Variants in GRIA1 observed in about 807,000 individuals in gnomAD.
GRIA1 encodes the protein glutamate receptor 1.
A neutral mutation model predicts 99.2 loss-of-function variants in GRIA1; 31 were observed. The observed-to-expected ratio is 0.31, with a 90% confidence interval of 0.23 to 0.42. The LOEUF (loss-of-function observed/expected upper bound fraction) is 0.42, where lower values mean the gene tolerates loss of function less well. Among genes scored for constraint, GRIA1 ranks in the 10% least tolerant of loss-of-function variants. The probability of loss-of-function intolerance (pLI) is 1.00; values close to 1 mark genes in which losing one functional copy is unlikely to be tolerated. For synonymous variants in GRIA1, 438 were observed against 432.4 expected, an observed-to-expected ratio of 1.01 and a Z score of -0.16; for missense variants, 782 against 1,157.5, an observed-to-expected ratio of 0.68 and a Z score of 4.71.
At chr5:153,525,899 C>T (rs905614289) in intron 2 of GRIA1, among the ~76,000 whole-genome samples, 1 of 152,142 alleles carries the variant, frequency 6.6e-6, no homozygotes, top group Non-Finnish European at 1.5e-5. Context: ...ACTTTGATTG[C>T]CGCAACTTTG....
chr5:153,590,391 T>C (rs1763860324), intron 2 of GRIA1, among the ~76,000 whole-genome samples: 1 of 152,062 alleles, frequency 6.6e-6, no homozygotes, highest in South Asian at 2.1e-4. Flanking sequence ...ATACTGAAGT[T>C]CTAAGAGGTT....
At chr5:153,588,027 C>T (rs980708105) in intron 2 of GRIA1, among the ~76,000 whole-genome samples, 27 of 152,070 alleles carry the variant, frequency 1.8e-4, no homozygotes, top group African/African-American at 3.9e-4. Context: ...ATTAAGGTAT[C>T]GAATGGAGGA....
intron 2 of GRIA1, among the ~76,000 whole-genome samples, chr5:153,645,341 T>G (rs574208041): frequency 6.6e-6 from 1 of 152,136 alleles, no homozygotes; most frequent in Non-Finnish European, 1.5e-5. Context: ...CTTTAAGAGA[T>G]TATGACCTTT....
intron 7 of GRIA1, among the ~76,000 whole-genome samples, chr5:153,680,469 A>T (rs1756898115): frequency 6.6e-6 from 1 of 152,106 alleles, no homozygotes; most frequent in African/African-American, 2.4e-5. Context: ...ATGATTTTTT[A>T]AAAGAAATCT....
intron 8 of GRIA1, among the ~76,000 whole-genome samples, chr5:153,689,047 G>T (rs1757551899): frequency 6.6e-6 from 1 of 150,952 alleles, no homozygotes; most frequent in South Asian, 2.1e-4. Flanking sequence ...TTTCTTTTTT[G>T]AGGCAGGGTC....
chr5:153,771,456 C>T (rs1301533269), intron 13 of GRIA1, among the ~76,000 whole-genome samples: 2 of 152,166 alleles, frequency 1.3e-5, no homozygotes, highest in African/African-American at 4.8e-5. Flanking sequence ...CAACATTGTT[C>T]TGGGGACTGG....
intron 2 of GRIA1, among the ~76,000 whole-genome samples, chr5:153,535,777 A>G (rs1758511132): frequency 1.3e-5 from 2 of 152,142 alleles, no homozygotes; most frequent in South Asian, 4.1e-4. Flanking sequence ...TGGCAGTGCC[A>G]CAATCCACCT....
chr5:153,687,142 A>C (rs974850773), intron 8 of GRIA1, among the ~76,000 whole-genome samples: 1 of 152,146 alleles, frequency 6.6e-6, no homozygotes, highest in Non-Finnish European at 1.5e-5. Flanking sequence ...ATTATGCTTC[A>C]TGGAAGCCTC....
intron 2 of GRIA1, among the ~76,000 whole-genome samples, chr5:153,565,106 C>T (rs1726186104): frequency 6.6e-6 from 1 of 152,138 alleles, no homozygotes; most frequent in African/African-American, 2.4e-5. Context: ...ATGTAAACTA[C>T]TGCTAAAAAG....
intron 5 of GRIA1, among the ~76,000 whole-genome samples, chr5:153,672,400 A>G (rs1225617652): frequency 6.6e-6 from 1 of 152,190 alleles, no homozygotes; most frequent in African/African-American, 2.4e-5. Flanking sequence ...TGTCTACAAC[A>G]GGGCAAGAAC....
intron 2 of GRIA1, among the ~76,000 whole-genome samples, chr5:153,571,506 G>A (rs1762118790): frequency 6.6e-6 from 1 of 152,138 alleles, no homozygotes; most frequent in Non-Finnish European, 1.5e-5. Flanking sequence ...TAATTTTCAT[G>A]TGTCACTAAG....
In GRIA1 at chr5:153,490,847, T is replaced by C. The variant is rs766252626; in HGVS notation, c.-42T>C. On this transcript the variant is annotated 5_prime_UTR_variant, in exon 1 of 16. An upstream start codon of the reference 5' UTR is lost. Coordinates refer to ENST00000285900, the MANE Select transcript of GRIA1 (RefSeq NM_000827.4). ...GAAAGGGGGGGAAACACCAAATCTA[T>C]GATTGGACCTGGGCTTCTTTTTCGC... The C allele has an allele frequency of 7.0e-7, 1 of 1,418,532 alleles. No homozygotes were observed. Among genetic ancestry groups the C allele is most frequent in the South Asian group, 1.1e-5 (1 of 87,088 alleles). 87.9% of individuals were successfully genotyped at this position (1,418,532 alleles called of 1,614,324 possible). A position where few individuals can be genotyped will look rare whatever the true frequency, so the allele number is the denominator to read the frequency against.
At chr5:153,657,633 C>G (rs943770594) in intron 5 of GRIA1, among the ~76,000 whole-genome samples, 4 of 152,218 alleles carry the variant, frequency 2.6e-5, no homozygotes, top group South Asian at 4.1e-4. Context: ...AAAATGTGAC[C>G]AAAGCATCCT....
intron 2 of GRIA1, among the ~76,000 whole-genome samples, chr5:153,526,453 T>C (rs1757607013): frequency 6.6e-6 from 1 of 152,230 alleles, no homozygotes; most frequent in South Asian, 2.1e-4. Context: ...TGGTGATAGA[T>C]TGCAGAATGT....
intron 2 of GRIA1, among the ~76,000 whole-genome samples, chr5:153,639,320 A>T (rs1753619782): frequency 6.6e-6 from 1 of 152,230 alleles, no homozygotes; most frequent in Non-Finnish European, 1.5e-5. Flanking sequence ...AGTTTTACTC[A>T]GAGAGCTATG....
Position 153,749,130 on chromosome 5 carries a change from C to A in GRIA1, c.1824-15304C>A, listed in dbSNP as rs1762342421. Among the ~76,000 whole-genome samples the A allele has an allele frequency of 2.6e-5, 4 of 152,002 alleles. No homozygotes were observed. In the South Asian group the frequency reaches 8.3e-4, roughly 32 times the overall value. ...GCCAACCTGTGAGGCAGGAGGAGAC[C>A]CAGGAGAGAGTGGGGCCTAGGAGCA... On this transcript the variant is annotated intron_variant, in intron 11 of 15. Transcript: ENST00000285900.
At chr5:153,634,914 A>AAGATGC (rs1753239178) in intron 2 of GRIA1, among the ~76,000 whole-genome samples, 1 of 152,174 alleles carries the variant, frequency 6.6e-6, no homozygotes. Flanking sequence ...CTTGGTTTTA[A>AAGATGC]AGATGCAGAA....
At chr5:153,796,703 G>A (rs1298914602) in intron 14 of GRIA1, among the ~76,000 whole-genome samples, 1 of 152,186 alleles carries the variant, frequency 6.6e-6, no homozygotes, top group Admixed American at 6.5e-5. Context: ...AACACTCACT[G>A]TGTGACTCGC....
In GRIA1 at chr5:153,745,039, C is replaced by T. The variant is rs374385612; in HGVS notation, c.1824-19395C>T. Among the ~76,000 whole-genome samples, 7 of 152,216 alleles carry T rather than the reference C, an allele frequency of 4.6e-5. No homozygotes were observed. In the East Asian group the frequency reaches 7.7e-4, roughly 17 times the overall value. On this transcript the variant is annotated intron_variant, in intron 11 of 15. Coordinates refer to ENST00000285900, the MANE Select transcript of GRIA1 (RefSeq NM_000827.4). ...TACTTGACTTAGTCCTTCCTTCACT[C>T]TCCAGACTCATCCTGTGCTGCCAAT...
Sources: gnomAD v4.1 joint callset for allele counts (sites outside exome capture counted in the v4.1 genomes callset) on GRCh38, gnomAD v4.1.1 for gene constraint, MANE v1.5 for transcripts, NCBI Gene and HGNC (gene_info 2026-07-23, HGNC 2026-07-21) for gene names.